The following NEGR1 variants were observed in gnomAD, a reference collection of about 807,000 sequenced individuals.
NEGR1 encodes neuronal growth regulator 1.
NEGR1 carries 10 observed loss-of-function variants against 40.9 expected under a neutral mutation model. That is an observed-to-expected ratio of 0.24 (90% CI 0.15 to 0.42). The LOEUF is 0.42. Ranked by LOEUF, NEGR1 falls within the 10% of genes least tolerant of loss-of-function variation. The pLI is 1.00. For synonymous variants in NEGR1, 185 were observed against 166.8 expected, an observed-to-expected ratio of 1.11 and a Z score of -0.84; for missense variants, 352 against 438.9, an observed-to-expected ratio of 0.80 and a Z score of 1.77.
chr1:72,065,370 T>C (rs1307748265), intron 1 of NEGR1, among the ~76,000 whole-genome samples: 13 of 152,118 alleles, frequency 8.5e-5, no homozygotes, highest in Non-Finnish European at 1.5e-5. Flanking sequence ...ATGGGGTAAC[T>C]TTGATTTGTT....
chr1:71,970,031 T>C (rs1646242479), intron 1 of NEGR1, among the ~76,000 whole-genome samples: 1 of 152,188 alleles, frequency 6.6e-6, no homozygotes, highest in Admixed American at 6.5e-5. Flanking sequence ...ACTGTAAGGT[T>C]AGGTGCTACT....
intron 6 of NEGR1, among the ~76,000 whole-genome samples, chr1:71,517,617 A>G (rs1233214893): frequency 2.0e-4 from 29 of 143,466 alleles, no homozygotes; most frequent in African/African-American, 7.4e-4. Flanking sequence ...CACAGCCAAT[A>G]TCATACTGAA....
At chr1:71,832,973 G>T (rs1180483404) in intron 2 of NEGR1, among the ~76,000 whole-genome samples, 1 of 151,944 alleles carries the variant, frequency 6.6e-6, no homozygotes, top group African/African-American at 2.4e-5. Context: ...AAAATGGAAA[G>T]AATCAGTTAT....
chr1:71,749,765 T>C (rs1409795337), intron 3 of NEGR1, among the ~76,000 whole-genome samples: 1 of 152,200 alleles, frequency 6.6e-6, no homozygotes, highest in Non-Finnish European at 1.5e-5. Flanking sequence ...AGGCAATTAG[T>C]TGTGTTGGAT....
chr1:72,184,334 T>C (rs544537548), intron 1 of NEGR1, among the ~76,000 whole-genome samples: 1 of 151,916 alleles, frequency 6.6e-6, no homozygotes, highest in East Asian at 1.9e-4. Flanking sequence ...TATTTGCAAG[T>C]AGGCAGCAGA....
intron 1 of NEGR1, among the ~76,000 whole-genome samples, chr1:71,984,029 A>G (rs1646375520): frequency 6.8e-6 from 1 of 147,536 alleles, no homozygotes; most frequent in African/African-American, 2.4e-5. Context: ...TGTCTCTGAA[A>G]GATGTTATGC....
chr1:72,138,236 T>A (rs1012281627), intron 1 of NEGR1, among the ~76,000 whole-genome samples: 14 of 151,560 alleles, frequency 9.2e-5, no homozygotes, highest in East Asian at 3.9e-4. Context: ...ATTATTTTTT[T>A]AAAAAACAAT....
At chr1:72,085,734 C>A (rs1648193683) in intron 1 of NEGR1, among the ~76,000 whole-genome samples, 1 of 152,028 alleles carries the variant, frequency 6.6e-6, no homozygotes, top group African/African-American at 2.4e-5. Flanking sequence ...CTTTGGGAGG[C>A]TGAGGCGGGT....
chr1:71,688,360 T>TAAG (rs1174593913), intron 4 of NEGR1, among the ~76,000 whole-genome samples: 3 of 74,282 alleles, frequency 4.0e-5, no homozygotes, highest in African/African-American at 9.9e-5. Flanking sequence ...ATAGATTATA[T>TAAG]ATATATGAGA....
At position 71,634,760 on chromosome 1, in the gene NEGR1, A is replaced by G. The variant is rs751833294; in HGVS notation, c.668-23614T>C. On this transcript the variant is annotated intron_variant, in intron 4 of 6. Transcript: ENST00000357731. ...ACTTACTAATTACATAGTCTTAGGA[A>G]ATGGCTCTGGATTGCTGAAATCCAA... 4.0e-4 allele frequency among the ~76,000 whole-genome samples: 61 copies of G among 152,094 alleles called. 1 individual carries two copies. Among genetic ancestry groups the G allele is most frequent in the Non-Finnish European group, 1.8e-4 (12 of 68,004 alleles).
At position 72,251,178 on chromosome 1, in the gene NEGR1, T is replaced by A. The variant is rs1022339298; in HGVS notation, c.176+31141A>T. On this transcript the variant is annotated intron_variant, in intron 1 of 6. Coordinates refer to ENST00000357731, the MANE Select transcript of NEGR1 (RefSeq NM_173808.3). ...TGACTGTGTATGATAAAAAGTAGAC[T>A]ATGACATAGTACAGCTTTCTAGGCT... is the stretch of plus-strand genomic sequence containing the variant. 2.6e-5 allele frequency among the ~76,000 whole-genome samples: 4 copies of A among 152,190 alleles called. No individual in the cohort carries two copies. The East Asian group carries it at 7.7e-4, about 29-fold the overall frequency.
intron 1 of NEGR1, among the ~76,000 whole-genome samples, chr1:72,140,795 A>C (rs1570030359): frequency 6.6e-6 from 1 of 152,020 alleles, no homozygotes; most frequent in African/African-American, 2.4e-5. Flanking sequence ...TGGACTTGAT[A>C]TATTATTCAT....
chr1:71,758,033 A>C (rs371435788), intron 3 of NEGR1, among the ~76,000 whole-genome samples: 13 of 152,050 alleles, frequency 8.5e-5, no homozygotes, highest in African/African-American at 3.1e-4. Flanking sequence ...CATTGCTGCT[A>C]TTATTATCAT....
chr1:71,526,298 C>A (rs1444945203), intron 6 of NEGR1, among the ~76,000 whole-genome samples: 1 of 151,362 alleles, frequency 6.6e-6, no homozygotes, highest in Admixed American at 6.6e-5. Context: ...AGGAAAAAAC[C>A]CTACAAACCT....
At chr1:71,668,758 G>A (rs1392460748) in intron 4 of NEGR1, among the ~76,000 whole-genome samples, 11 of 152,034 alleles carry the variant, frequency 7.2e-5, no homozygotes, top group African/African-American at 2.2e-4. Flanking sequence ...TGGCATTTTC[G>A]TAAGGCAGGG....
At chr1:72,007,383 T>TAAA (rs879491116) in intron 1 of NEGR1, among the ~76,000 whole-genome samples, 2 of 139,168 alleles carry the variant, frequency 1.4e-5, no homozygotes, top group African/African-American at 5.2e-5. Flanking sequence ...ATGAAAGAAT[T>TAAA]AAAAAAAAAA....
intron 1 of NEGR1, among the ~76,000 whole-genome samples, chr1:72,177,741 C>T (rs1652227377): frequency 6.6e-6 from 1 of 150,680 alleles, no homozygotes; most frequent in Non-Finnish European, 1.5e-5. Context: ...GCCATTTAAA[C>T]GTAATTATAG....
At chr1:71,773,598 C>CT (rs1446802318) in intron 3 of NEGR1, among the ~76,000 whole-genome samples, 2 of 152,096 alleles carry the variant, frequency 1.3e-5, no homozygotes, top group African/African-American at 4.8e-5. Flanking sequence ...GTGGGGTTTT[C>CT]TTTTTCCTTT....
At chr1:72,093,254 C>G (rs1648563319) in intron 1 of NEGR1, among the ~76,000 whole-genome samples, 1 of 146,498 alleles carries the variant, frequency 6.8e-6, no homozygotes, top group Admixed American at 6.9e-5. Context: ...TTGCTTGAAC[C>G]CAGGAGGCAG....
Sources: gnomAD v4.1 joint callset for allele counts (sites outside exome capture counted in the v4.1 genomes callset) on GRCh38, gnomAD v4.1.1 for gene constraint, MANE v1.5 for transcripts, NCBI Gene and HGNC (gene_info 2026-07-23, HGNC 2026-07-21) for gene names.